IFT43: variants seen among roughly 807,000 people sequenced by gnomAD.
IFT43 encodes intraflagellar transport protein 43 homolog.
IFT43 carries 33 observed loss-of-function variants against 32.3 expected under a neutral mutation model. The ratio of observed to expected loss-of-function variants is 1.02; its 90% CI spans 0.77 to 1.37. IFT43 has a LOEUF of 1.37. Among genes scored for constraint, IFT43 ranks in the 40% most tolerant of loss-of-function variants. The pLI, the probability that IFT43 is intolerant of heterozygous loss-of-function variation, is 0.00. For missense variants in IFT43, 274 were observed against 265.9 expected (o/e 1.03, Z -0.21); for synonymous variants, 93 against 98.2 (o/e 0.95, Z 0.31).
chr14:76,036,733 T>G (rs1161893673), intron 3 of IFT43, among the ~76,000 whole-genome samples: 1 of 151,746 alleles, frequency 6.6e-6, no homozygotes, highest in Non-Finnish European at 1.5e-5. Flanking sequence ...AGTCTCTATT[T>G]TATTCTGCAA....
intron 1 of IFT43, among the ~76,000 whole-genome samples, chr14:75,987,765 C>T (rs528569303): frequency 4.6e-5 from 7 of 152,260 alleles, no homozygotes; most frequent in Non-Finnish European, 8.8e-5. Flanking sequence ...GCAGAGTCTC[C>T]ACCGGAGGGC....
chr14:76,010,175 G>A (rs1465018834), intron 2 of IFT43, among the ~76,000 whole-genome samples: 3 of 152,178 alleles, frequency 2.0e-5, no homozygotes, highest in African/African-American at 7.2e-5. Flanking sequence ...AGGCTAGGGT[G>A]GGCAGGGAGG....
At chr14:76,007,287 G>T (rs1262873545) in intron 2 of IFT43, among the ~76,000 whole-genome samples, 1 of 152,182 alleles carries the variant, frequency 6.6e-6, no homozygotes, top group Non-Finnish European at 1.5e-5. Flanking sequence ...ATTAAGAACT[G>T]CAGTGTGAAA....
chr14:76,001,188 G>T (rs2035878615), intron 2 of IFT43, among the ~76,000 whole-genome samples: 1 of 152,164 alleles, frequency 6.6e-6, no homozygotes, highest in Admixed American at 6.5e-5. Flanking sequence ...ATGGATCCAG[G>T]TTTTATGAGT....
intron 3 of IFT43, among the ~76,000 whole-genome samples, chr14:76,035,103 G>T (rs117070621): frequency 1.3e-5 from 2 of 152,228 alleles, no homozygotes; most frequent in African/African-American, 4.8e-5. Flanking sequence ...AATGTCAGCC[G>T]TCATTTTCAA....
intron 5 of IFT43, among the ~76,000 whole-genome samples, chr14:76,060,042 A>G (rs79359105): frequency 0.017 from 2,631 of 152,294 alleles, 40 homozygotes; most frequent in South Asian, 0.079. Flanking sequence ...CATAGTAGTT[A>G]GTTAATGGCT....
intron 2 of IFT43, among the ~76,000 whole-genome samples, chr14:76,016,025 G>GT (rs1431678732): frequency 1.3e-5 from 2 of 152,042 alleles, no homozygotes; most frequent in Non-Finnish European, 2.9e-5. Flanking sequence ...ACTTTTTTGG[G>GT]TTTTTTGCTA....
intron 1 of IFT43, 162 bp from the exon 2 acceptor site, chr14:75,988,723 T>G (rs939348118): frequency 1.6e-5 from 7 of 425,338 alleles, no homozygotes; most frequent in African/African-American, 1.5e-4. Context: ...TTTCACCGTG[T>G]TAGCCAGGAT....
At chr14:76,067,315 C>T (rs2037241312) in intron 5 of IFT43, among the ~76,000 whole-genome samples, 2 of 152,054 alleles carry the variant, frequency 1.3e-5, no homozygotes, top group African/African-American at 4.8e-5. Flanking sequence ...CCTGTAATCT[C>T]AGCACTTTGG....
chr14:76,063,212 A>G (rs1457205541), intron 5 of IFT43, among the ~76,000 whole-genome samples: 3 of 152,166 alleles, frequency 2.0e-5, no homozygotes, highest in African/African-American at 7.2e-5. Context: ...AAATATCATA[A>G]TGCAGTCTAT....
chr14:76,013,835 G>T, intron 2 of IFT43: 1 of 258,602 alleles, frequency 3.9e-6, no homozygotes, highest in Non-Finnish European at 8.3e-6. Flanking sequence ...CTTCAGAATG[G>T]AGATCAGATT....
intron 5 of IFT43, among the ~76,000 whole-genome samples, chr14:76,064,909 T>C (rs2037202294): frequency 6.6e-6 from 1 of 152,188 alleles, no homozygotes; most frequent in South Asian, 2.1e-4. Context: ...CTTCTGAAAT[T>C]CTACTTTCTC....
chr14:76,073,867 C>G (rs775267575), intron 5 of IFT43, among the ~76,000 whole-genome samples: 1 of 152,118 alleles, frequency 6.6e-6, no homozygotes, highest in African/African-American at 2.4e-5. Context: ...TCCCCCTCCC[C>G]CCGTTTCTCA....
chr14:76,009,602 A>G (rs905582622), intron 2 of IFT43, among the ~76,000 whole-genome samples: 2 of 152,158 alleles, frequency 1.3e-5, no homozygotes, highest in Non-Finnish European at 2.9e-5. Flanking sequence ...TGTTTTGCTT[A>G]GGTACCTTCC....
chr14:75,994,382 G>A (rs1263448507), intron 2 of IFT43, among the ~76,000 whole-genome samples: 2 of 152,060 alleles, frequency 1.3e-5, no homozygotes, highest in African/African-American at 4.8e-5. Flanking sequence ...TATTTGCTTG[G>A]TCATTCGATA....
intron 3 of IFT43, among the ~76,000 whole-genome samples, chr14:76,040,873 C>G (rs762892921): frequency 6.6e-6 from 1 of 152,164 alleles, no homozygotes; most frequent in South Asian, 2.1e-4. Context: ...GGTGGGGACT[C>G]GAGATGAACT....
At chr14:76,006,092 T>A (rs902180282) in intron 2 of IFT43, among the ~76,000 whole-genome samples, 1 of 152,138 alleles carries the variant, frequency 6.6e-6, no homozygotes, top group Non-Finnish European at 1.5e-5. Flanking sequence ...AGACAGAAAG[T>A]GTTCTGACAT....
intron 2 of IFT43, among the ~76,000 whole-genome samples, chr14:76,019,329 T>C (rs1331398847): frequency 1.3e-5 from 2 of 152,128 alleles, no homozygotes; most frequent in Admixed American, 6.5e-5. Flanking sequence ...ACTTTATTTC[T>C]CCTTCATTTT....
chr14:76,074,044 A>G (rs528454902), intron 5 of IFT43, among the ~76,000 whole-genome samples: 1 of 152,306 alleles, frequency 6.6e-6, no homozygotes, highest in African/African-American at 2.4e-5. Context: ...GCACTGATCA[A>G]AGGAGCATTT....
Sources: allele counts gnomAD v4.1 joint callset (sites outside exome capture counted in the v4.1 genomes callset), GRCh38; gene constraint gnomAD v4.1.1; transcripts MANE v1.5; gene names NCBI Gene and HGNC (gene_info 2026-07-23, HGNC 2026-07-21).